Variants in BRINP3 observed in about 807,000 individuals in gnomAD.
The protein encoded by BRINP3 is BMP/retinoic acid-inducible neural-specific protein 3.
BRINP3 carries 19 observed loss-of-function variants against 71.0 expected under a neutral mutation model. The observed-to-expected ratio is 0.27, with a 90% confidence interval of 0.19 to 0.39. The LOEUF (loss-of-function observed/expected upper bound fraction) is 0.39. Ranked by LOEUF, BRINP3 falls within the 10% of genes least tolerant of loss-of-function variation. The pLI, the probability that BRINP3 is intolerant of heterozygous loss-of-function variation, is 1.00. For missense variants in BRINP3, 959 were observed against 940.8 expected, an observed-to-expected ratio of 1.02 and a Z score of -0.25; for synonymous variants, 380 against 337.7, an observed-to-expected ratio of 1.13 and a Z score of -1.37.
chr1:190,155,207 T>C lies in BRINP3; in HGVS notation c.1184+5461A>G, dbSNP rs140727989. On this transcript the variant is annotated intron_variant, in intron 7 of 7. Transcript: ENST00000367462. ...TAATGAATAGGTAGACTTCAACTCATTTTTCTCTGTGGCATTAAAATATTC... is the reference window on the plus strand; with the variant it reads ...TAATGAATAGGTAGACTTCAACTCACTTTTCTCTGTGGCATTAAAATATTC... Among the ~76,000 whole-genome samples, 10 of 152,234 alleles carry C rather than the reference T, an allele frequency of 6.6e-5. No homozygotes were observed. The East Asian group carries it at 1.9e-3, about 29-fold the overall frequency.
chr1:190,323,047 G>A (rs560332298), intron 2 of BRINP3, among the ~76,000 whole-genome samples: 1 of 152,006 alleles, frequency 6.6e-6, no homozygotes, highest in African/African-American at 2.4e-5. Flanking sequence ...AATTCAAAGT[G>A]TAGGCTACAC....
chr1:190,180,068 G>A (rs12041138), intron 6 of BRINP3, among the ~76,000 whole-genome samples: 31,817 of 151,964 alleles, frequency 0.21, 3,659 homozygotes, highest in Middle Eastern at 0.31. Context: ...GGTTGATGCC[G>A]TTTGTTTTTT....
chr1:190,241,467 C>A (rs926147235), intron 4 of BRINP3, among the ~76,000 whole-genome samples: 58 of 147,990 alleles, frequency 3.9e-4, no homozygotes, highest in African/African-American at 1.3e-3. Context: ...GTAATTAATT[C>A]TCTCTCTCTC....
chr1:190,156,936 G>A (rs994709461), intron 7 of BRINP3, among the ~76,000 whole-genome samples: 1 of 151,874 alleles, frequency 6.6e-6, no homozygotes, highest in Non-Finnish European at 1.5e-5. Context: ...TAGCATTTTT[G>A]TATGTCAACT....
chr1:190,267,814 A>T (rs1283979278), intron 3 of BRINP3, among the ~76,000 whole-genome samples: 1 of 152,088 alleles, frequency 6.6e-6, no homozygotes, highest in East Asian at 1.9e-4. Flanking sequence ...GTGTTACAGA[A>T]CACCTTCCCC....
chr1:190,285,786 C>A (rs1032029375), intron 2 of BRINP3, among the ~76,000 whole-genome samples: 1 of 151,392 alleles, frequency 6.6e-6, no homozygotes, highest in African/African-American at 2.4e-5. Context: ...ATCATGCATT[C>A]ATTAAATGTT....
At chr1:190,195,342 G>C (rs893739709) in intron 6 of BRINP3, among the ~76,000 whole-genome samples, 1 of 151,866 alleles carries the variant, frequency 6.6e-6, no homozygotes, top group Non-Finnish European at 1.5e-5. Context: ...AAAAGAGTTT[G>C]CTAGTACTTT....
intron 2 of BRINP3, among the ~76,000 whole-genome samples, chr1:190,406,138 CAT>C: frequency 6.6e-6 from 1 of 152,314 alleles, no homozygotes; most frequent in Non-Finnish European, 1.5e-5. Flanking sequence ...TAAAATTGCT[CAT>C]GTTACATTAT....
At chr1:190,290,212 C>A (rs1041724925) in intron 2 of BRINP3, among the ~76,000 whole-genome samples, 3 of 152,010 alleles carry the variant, frequency 2.0e-5, no homozygotes, top group African/African-American at 7.2e-5. Flanking sequence ...AACTGAGAAA[C>A]ACTAACCGTA....
intron 2 of BRINP3, among the ~76,000 whole-genome samples, chr1:190,373,705 A>T (rs917385822): frequency 1.3e-5 from 2 of 151,798 alleles, no homozygotes; most frequent in Non-Finnish European, 2.9e-5. Context: ...TTGAGGCCTA[A>T]CAAGGCATTT....
At chr1:190,391,935 C>G (rs879750545) in intron 2 of BRINP3, among the ~76,000 whole-genome samples, 2 of 151,568 alleles carry the variant, frequency 1.3e-5, no homozygotes, top group African/African-American at 2.4e-5. Flanking sequence ...TTTGGTTCCA[C>G]GATATTTTAC....
chr1:190,238,842 T>C (rs1389637381), intron 4 of BRINP3, among the ~76,000 whole-genome samples: 2 of 152,180 alleles, frequency 1.3e-5, no homozygotes, highest in South Asian at 4.1e-4. Context: ...CTATTCTTAG[T>C]AACCCCAAAC....
intron 2 of BRINP3, among the ~76,000 whole-genome samples, chr1:190,404,047 T>C (rs914197863): frequency 6.6e-6 from 1 of 152,160 alleles, no homozygotes. Context: ...CTAAGAGAGC[T>C]CAGGTAATGT....
At chr1:190,263,102 T>C (rs572177660) in intron 4 of BRINP3, among the ~76,000 whole-genome samples, 2 of 152,164 alleles carry the variant, frequency 1.3e-5, no homozygotes, top group Admixed American at 6.5e-5. Flanking sequence ...AGCTATATAA[T>C]AAAATCATTT....
chr1:190,380,767 T>A (rs1239605204), intron 2 of BRINP3, among the ~76,000 whole-genome samples: 1 of 152,134 alleles, frequency 6.6e-6, no homozygotes. Context: ...ACACTTAATA[T>A]TAGGTGTTAT....
Position 190,443,285 on chromosome 1 carries a change from A to T in BRINP3, c.236+11370T>A, listed in dbSNP as rs571918952. Among the ~76,000 whole-genome samples, 695 of 151,522 alleles carry T rather than the reference A, an allele frequency of 4.6e-3. 6 individuals carry two copies. Among genetic ancestry groups the T allele is most frequent in the African/African-American group, 0.016 (663 of 41,458 alleles). On this transcript the variant is annotated intron_variant, in intron 2 of 7. Coordinates refer to ENST00000367462, the MANE Select transcript of BRINP3 (RefSeq NM_199051.3). ...CCGGGCATTGTGGCGGGCGCCTGTA[A>T]TCCCAGTTACTCGGGAGGCTGAGGC...
chr1:190,408,945 C>T (rs1045944373), intron 2 of BRINP3, among the ~76,000 whole-genome samples: 2 of 152,128 alleles, frequency 1.3e-5, no homozygotes, highest in Admixed American at 1.3e-4. Context: ...TTGGCCTTGT[C>T]TAAAGAAATT....
At chr1:190,355,449 A>G (rs990797160) in intron 2 of BRINP3, among the ~76,000 whole-genome samples, 10 of 151,934 alleles carry the variant, frequency 6.6e-5, no homozygotes, top group Admixed American at 2.6e-4. Flanking sequence ...GATGTGGCCA[A>G]AAACCAAAAA....
At chr1:190,230,212 A>G (rs1167135189) in intron 5 of BRINP3, among the ~76,000 whole-genome samples, 2 of 152,016 alleles carry the variant, frequency 1.3e-5, no homozygotes, top group African/African-American at 4.8e-5. Flanking sequence ...AATATAACAC[A>G]GAATGAGAGG....
Sources: allele counts gnomAD v4.1 joint callset (sites outside exome capture counted in the v4.1 genomes callset), GRCh38; gene constraint gnomAD v4.1.1; transcripts MANE v1.5; gene names NCBI Gene and HGNC (gene_info 2026-07-23, HGNC 2026-07-21).